Variants in ARHGAP17 observed in about 807,000 individuals in gnomAD.
ARHGAP17 encodes the protein Rho GTPase activating protein 17.
ARHGAP17 carries 57 observed loss-of-function variants against 99.5 expected under a neutral mutation model. The ratio of observed to expected loss-of-function variants is 0.57; its 90% CI spans 0.46 to 0.71. The LOEUF is 0.71. Ranked by LOEUF, ARHGAP17 falls within the 30% of genes least tolerant of loss-of-function variation. The probability of loss-of-function intolerance (pLI) is 0.00; values close to 1 mark genes in which losing one functional copy is unlikely to be tolerated. For synonymous variants in ARHGAP17, 417 were observed against 429.6 expected, an observed-to-expected ratio of 0.97 and a Z score of 0.36; for missense variants, 1,000 against 1,122.4, an observed-to-expected ratio of 0.89 and a Z score of 1.56.
Position 25,015,290 on chromosome 16 carries a change from G to T in ARHGAP17, c.-29C>A. ...GGCGGTGGCGGCGGCGGCCCGCGGGGCTCGGGCCGGGCAGGGCGGGGGACA... is the reference window on the plus strand; with the variant it reads ...GGCGGTGGCGGCGGCGGCCCGCGGGTCTCGGGCCGGGCAGGGCGGGGGACA... On this transcript the variant is annotated 5_prime_UTR_variant, in exon 1 of 20. Coordinates refer to ENST00000289968, the MANE Select transcript of ARHGAP17 (RefSeq NM_001006634.3). 1.5e-6 allele frequency: 2 copies of T among 1,319,972 alleles called. No homozygotes were observed. Among genetic ancestry groups the T allele is most frequent in the Non-Finnish European group, 1.9e-6 (2 of 1,026,654 alleles). The allele number at this position is 1,319,972 out of a possible 1,614,324, so 81.8% of individuals were successfully genotyped here.
chr16:24,947,434 T>TC (rs1215228770), intron 14 of ARHGAP17, 48 bp downstream of exon 14: 7 of 1,441,180 alleles, frequency 4.9e-6, no homozygotes, highest in East Asian at 2.3e-5. Flanking sequence ...ATGCATCCCA[T>TC]CAGGTGGGAA....
chr16:24,945,819 G>A (rs2051455887), intron 14 of ARHGAP17, among the ~76,000 whole-genome samples: 1 of 152,138 alleles, frequency 6.6e-6, no homozygotes, highest in South Asian at 2.1e-4. Flanking sequence ...GGAGAGTACT[G>A]GAAAGCTAAT....
At chr16:24,969,722 T>C (rs115295126) in intron 4 of ARHGAP17, among the ~76,000 whole-genome samples, 2,793 of 152,286 alleles carry the variant, frequency 0.018, 82 homozygotes, top group African/African-American at 0.063. Flanking sequence ...ACTTCCAGGC[T>C]GGAGGGAAGG....
chr16:24,922,176 C>A (rs536692881), intron 19 of ARHGAP17, among the ~76,000 whole-genome samples: 1 of 152,328 alleles, frequency 6.6e-6, no homozygotes, highest in South Asian at 2.1e-4. Context: ...ATTATCTTGG[C>A]CCCCAAAAAC....
chr16:24,948,758 C>CA (rs1277399605), intron 13 of ARHGAP17, among the ~76,000 whole-genome samples: 1 of 151,390 alleles, frequency 6.6e-6, no homozygotes, highest in Non-Finnish European at 1.5e-5. Context: ...TAATGTCACT[C>CA]AAAACCAAAC....
rs76580048 is a variant in ARHGAP17, at chr16:24,998,138, G to A, written c.53+17071C>T. Among the ~76,000 whole-genome samples, 488 of 152,126 alleles carry A rather than the reference G, an allele frequency of 3.2e-3. 1 individual carries two copies. Among genetic ancestry groups the A allele is most frequent in the African/African-American group, 0.011 (477 of 41,506 alleles). On this transcript the variant is annotated intron_variant, in intron 1 of 19. Coordinates refer to ENST00000289968, the MANE Select transcript of ARHGAP17 (RefSeq NM_001006634.3). Reference sequence around the variant, plus strand: ...CGGGTGAAGCATGGATGAGGGACTGGCTGATGATGCAAACTGGGCCCCGGG... The same window carrying A: ...CGGGTGAAGCATGGATGAGGGACTGACTGATGATGCAAACTGGGCCCCGGG...
intron 7 of ARHGAP17, among the ~76,000 whole-genome samples, chr16:24,963,744 A>G (rs549761831): frequency 2.6e-5 from 4 of 152,222 alleles, no homozygotes; most frequent in Non-Finnish European, 5.9e-5. Flanking sequence ...AGTAATCCTT[A>G]TCTTCTCCAA....
Position 24,931,407 on chromosome 16 carries a change from G to A in ARHGAP17, c.1895-3C>T, listed in dbSNP as rs1172007365. 2.0e-6 allele frequency: 3 copies of A among 1,503,328 alleles called. No homozygotes were observed. Among genetic ancestry groups the A allele is most frequent in the Non-Finnish European group, 2.7e-6 (3 of 1,129,034 alleles). The allele number at this position is 1,503,328 out of a possible 1,614,324, so 93.1% of individuals were successfully genotyped here. Reference sequence around the variant, plus strand: ...TGCTGGAGCGGGTTTTTTAACAGCTGCACAAAAAGAGAAAAAACACCTTTC... The same window carrying A: ...TGCTGGAGCGGGTTTTTTAACAGCTACACAAAAAGAGAAAAAACACCTTTC... On this transcript the variant is annotated splice_region_variant and splice_polypyrimidine_tract_variant and intron_variant, in intron 18 of 19. Coordinates refer to ENST00000289968, the MANE Select transcript of ARHGAP17 (RefSeq NM_001006634.3).
intron 16 of ARHGAP17, among the ~76,000 whole-genome samples, chr16:24,941,276 T>C (rs145197027): frequency 1.3e-5 from 2 of 152,320 alleles, no homozygotes; most frequent in East Asian, 3.9e-4. Flanking sequence ...AAAAGCATAT[T>C]ACTTCCAACA....
intron 3 of ARHGAP17, among the ~76,000 whole-genome samples, chr16:24,974,196 C>A (rs552311742): frequency 7.2e-5 from 11 of 152,300 alleles, no homozygotes; most frequent in Admixed American, 6.5e-4. Flanking sequence ...TTCGGGAGGC[C>A]GAGGAGGGAG....
intron 1 of ARHGAP17, among the ~76,000 whole-genome samples, chr16:24,982,980 A>ATATATT (rs1555467418): frequency 1.8e-4 from 3 of 16,880 alleles, no homozygotes; most frequent in Middle Eastern, 0.036. Flanking sequence ...ATATATATAT[A>ATATATT]TATATATATA....
intron 1 of ARHGAP17, 82 bp from the exon 2 acceptor site, chr16:24,979,087 G>A (rs2052600800): frequency 2.0e-6 from 2 of 1,015,566 alleles, no homozygotes; most frequent in Non-Finnish European, 2.9e-6. Flanking sequence ...TTAGCCTGGA[G>A]TTTAAAGCAA....
intron 9 of ARHGAP17, 127 bp downstream of exon 9, chr16:24,959,544 C>A: frequency 1.2e-6 from 1 of 839,802 alleles, no homozygotes; most frequent in East Asian, 2.7e-5. Context: ...TGCTGGGAAA[C>A]AGTACCCTCC....
At chr16:24,937,971 G>A (rs993105885) in intron 17 of ARHGAP17, among the ~76,000 whole-genome samples, 7 of 152,228 alleles carry the variant, frequency 4.6e-5, no homozygotes, top group East Asian at 3.8e-4. Context: ...CTAAGCAGCT[G>A]TCAGTTCCAA....
intron 1 of ARHGAP17, among the ~76,000 whole-genome samples, chr16:24,980,195 C>T (rs561244993): frequency 4.6e-5 from 7 of 152,124 alleles, no homozygotes; most frequent in East Asian, 1.9e-4. Context: ...AGAATGACCT[C>T]GAAATGCTGC....
chr16:24,947,890 CT>C lies in ARHGAP17; in HGVS notation c.1128-296del, dbSNP rs2051521241. On this transcript the variant is annotated intron_variant, in intron 13 of 19. Coordinates refer to ENST00000289968, the MANE Select transcript of ARHGAP17 (RefSeq NM_001006634.3). ...CCTTTATGTCCTATCTATTCTACCC[CT>C]ATTATAAGTTATAATGTGTTAATAG... 1.3e-5 allele frequency among the ~76,000 whole-genome samples: 2 copies of C among 152,140 alleles called. 1 individual carries two copies. Among genetic ancestry groups the C allele is most frequent in the South Asian group, 4.1e-4 (2 of 4,826 alleles).
intron 1 of ARHGAP17, among the ~76,000 whole-genome samples, chr16:25,004,849 A>G (rs904837289): frequency 6.6e-6 from 1 of 152,264 alleles, no homozygotes; most frequent in African/African-American, 2.4e-5. Flanking sequence ...GCCAATGCAA[A>G]TAATCAATAA....
chr16:24,937,433 TAATAAATAAA>T lies in ARHGAP17; in HGVS notation c.1725-1804_1725-1795del, dbSNP rs1276643528. On this transcript the variant is annotated intron_variant, in intron 17 of 19. Transcript: ENST00000289968. ...CGAGACTTCGTCTCAAAAAATAAAT[TAATAAATAAA>T]AATAAATAAAAATAAAAAACAAAAC... Among the ~76,000 whole-genome samples the T allele has an allele frequency of 6.6e-5, 10 of 151,490 alleles. No individual in the cohort carries two copies. The South Asian group carries it at 8.4e-4, about 13-fold the overall frequency.
chr16:24,939,315 A>G (rs748983302), intron 17 of ARHGAP17, 49 bp downstream of exon 17: 156 of 1,498,638 alleles, frequency 1.0e-4, no homozygotes, highest in Middle Eastern at 2.4e-4. Flanking sequence ...CACCTGCAAG[A>G]AGGCTGGGGC....
Sources: allele counts gnomAD v4.1 joint callset (sites outside exome capture counted in the v4.1 genomes callset), GRCh38; gene constraint gnomAD v4.1.1; transcripts MANE v1.5; gene names NCBI Gene and HGNC (gene_info 2026-07-23, HGNC 2026-07-21).